PTGER3: variants seen among roughly 807,000 people sequenced by gnomAD.
PTGER3 encodes the protein prostaglandin E2 receptor EP3 subtype.
Under a neutral mutation model 34.7 loss-of-function variants are expected in PTGER3, and 22 were observed. The observed-to-expected ratio is 0.63, with a 90% CI of 0.45 to 0.91. PTGER3 has a LOEUF of 0.91. Ranked by LOEUF, PTGER3 falls within the 40% of genes least tolerant of loss-of-function variation. The probability of loss-of-function intolerance (pLI) is 0.00; values close to 1 mark genes in which losing one functional copy is unlikely to be tolerated. For synonymous variants in PTGER3, 241 were observed against 230.1 expected (o/e 1.05, Z -0.43); for missense variants, 468 against 519.4 (o/e 0.90, Z 0.96).
At chr1:70,912,578 A>C (rs1181927107) in intron 4 of PTGER3, among the ~76,000 whole-genome samples, 1 of 152,082 alleles carries the variant, frequency 6.6e-6, no homozygotes, top group Non-Finnish European at 1.5e-5. Context: ...CATGTACAGA[A>C]TTTCAGAGCT....
chr1:71,017,009 C>T (rs971268520), intron 1 of PTGER3, among the ~76,000 whole-genome samples: 4 of 152,020 alleles, frequency 2.6e-5, no homozygotes, highest in Non-Finnish European at 5.9e-5. Flanking sequence ...TACCCCCCAT[C>T]ATAGAAGGCA....
At chr1:70,968,183 G>A (rs35444556), downstream of PTGER3, among the ~76,000 whole-genome samples, 277 of 152,308 alleles carry the variant, frequency 1.8e-3, 9 homozygotes, top group East Asian at 0.039. Flanking sequence ...GGGGGCTGGA[G>A]TAGGCAGCAG....
At chr1:70,865,650 A>G (rs1465355371) in intron 4 of PTGER3, 1 of 1,358,732 alleles carries the variant, frequency 7.4e-7, no homozygotes, top group Non-Finnish European at 9.8e-7. Context: ...CTTCCTGGGT[A>G]AAAAGTCCTG....
chr1:70,862,860 C>A (rs1051188212), intron 4 of PTGER3, among the ~76,000 whole-genome samples: 1 of 152,066 alleles, frequency 6.6e-6, no homozygotes, highest in Non-Finnish European at 1.5e-5. Context: ...GAACAAACAG[C>A]GGATAACTGA....
downstream of PTGER3, among the ~76,000 whole-genome samples, chr1:70,949,979 A>G (rs1242567210): frequency 1.1e-5 from 1 of 92,848 alleles, no homozygotes; most frequent in Non-Finnish European, 2.6e-5. Flanking sequence ...AATGTGGGAC[A>G]TAACAAATCT....
intron 2 of PTGER3, among the ~76,000 whole-genome samples, chr1:70,987,099 T>A (rs1461667160): frequency 6.6e-6 from 1 of 152,180 alleles, no homozygotes; most frequent in Non-Finnish European, 1.5e-5. Context: ...AAACAGAGAC[T>A]CTAAGAGCCA....
chr1:71,007,627 C>T (rs572922124), intron 2 of PTGER3: 281 of 985,246 alleles, frequency 2.9e-4, no homozygotes, highest in Non-Finnish European at 3.3e-4. Context: ...ACATGAGTAT[C>T]CTTTCAAAAG....
chr1:71,006,125 C>T (rs1437417942), intron 2 of PTGER3: 1 of 955,806 alleles, frequency 1.0e-6, no homozygotes, highest in Admixed American at 6.2e-5. Flanking sequence ...TCTCTCTTAT[C>T]TAGCTATGAT....
rs1489357425 is a variant in PTGER3, at chr1:70,887,515, A to G, written c.*24-34656T>C. ...GGAAGGCTCAGGTTTCTAAATCTAT[A>G]GTTTTTGATATTTTTTTTATGGCAT... On this transcript the variant is annotated intron_variant, in intron 4 of 4. Coordinates refer to the PTGER3 transcript ENST00000370931. Among the ~76,000 whole-genome samples, 5 of 152,160 alleles carry G rather than the reference A, an allele frequency of 3.3e-5. No individual in the cohort carries two copies. The East Asian group carries it at 9.7e-4, about 29-fold the overall frequency.
intron 2 of PTGER3, among the ~76,000 whole-genome samples, chr1:70,962,877 C>T (rs549689010): frequency 3.3e-5 from 5 of 152,314 alleles, no homozygotes; most frequent in Non-Finnish European, 5.9e-5. Flanking sequence ...AAAGTCTTAA[C>T]TCATTTCAGC....
In PTGER3 at chr1:70,986,874, G is replaced by A. The variant is rs531245900; in HGVS notation, c.1078-12486C>T. On this transcript the variant is annotated intron_variant, in intron 2 of 3. Coordinates refer to ENST00000306666, the MANE Select transcript of PTGER3 (RefSeq NM_198719.2). ...ATGGATTGATAAAATATCTTCAACC[G>A]CAAGATCAAGAACCCATCTCCTACT... 2.2e-4 allele frequency among the ~76,000 whole-genome samples: 34 copies of A among 152,202 alleles called. 1 individual carries two copies. The South Asian group carries it at 2.3e-3, about 10-fold the overall frequency.
At chr1:71,011,582 A>T (rs991680429) in intron 2 of PTGER3, 77 of 984,734 alleles carry the variant, frequency 7.8e-5, no homozygotes, top group Non-Finnish European at 9.2e-5. Context: ...TCCATATTTC[A>T]AACAAATGGA....
At chr1:70,945,847 T>C (rs1249798082) in intron 4 of PTGER3, among the ~76,000 whole-genome samples, 7 of 152,128 alleles carry the variant, frequency 4.6e-5, no homozygotes, top group Non-Finnish European at 1.0e-4. Context: ...TACTCTAACC[T>C]AAAATTTTTG....
At chr1:70,875,037 A>C (rs1450271628) in intron 4 of PTGER3, among the ~76,000 whole-genome samples, 1 of 152,240 alleles carries the variant, frequency 6.6e-6, no homozygotes, top group Non-Finnish European at 1.5e-5. Context: ...GGCAACTATT[A>C]GCCTAGGGGG....
At chr1:70,951,807 T>C (rs1572738004), downstream of PTGER3, among the ~76,000 whole-genome samples, 2 of 151,894 alleles carry the variant, frequency 1.3e-5, no homozygotes, top group South Asian at 2.1e-4. Context: ...TATTCTAATA[T>C]AGAAAACAAA....
intron 4 of PTGER3, among the ~76,000 whole-genome samples, chr1:70,889,197 C>A (rs544636159): frequency 6.6e-6 from 1 of 151,762 alleles, no homozygotes; most frequent in Admixed American, 6.6e-5. Context: ...GGGTGGATCA[C>A]GAGTTCAGGA....
intron 1 of PTGER3, among the ~76,000 whole-genome samples, chr1:71,022,750 T>TAC (rs200900606): frequency 0.049 from 7,328 of 150,820 alleles, 260 homozygotes; most frequent in Non-Finnish European, 0.068. Flanking sequence ...CACACACACA[T>TAC]ACACACACAA....
intron 4 of PTGER3, among the ~76,000 whole-genome samples, chr1:70,878,998 G>C (rs1259930703): frequency 6.6e-6 from 1 of 152,132 alleles, no homozygotes; most frequent in Non-Finnish European, 1.5e-5. Flanking sequence ...TTGGTCAAAT[G>C]TTGTGTCCAC....
At chr1:70,968,009 CT>C (rs1652703566), downstream of PTGER3, among the ~76,000 whole-genome samples, 1 of 152,186 alleles carries the variant, frequency 6.6e-6, no homozygotes, top group South Asian at 2.1e-4. Context: ...TTACGTATCC[CT>C]GGCTAACAGA....
Sources: gnomAD v4.1 joint callset for allele counts (sites outside exome capture counted in the v4.1 genomes callset) on GRCh38, gnomAD v4.1.1 for gene constraint, MANE v1.5 for transcripts, NCBI Gene and HGNC (gene_info 2026-07-23, HGNC 2026-07-21) for gene names.